IL1RAPL1: variants seen among roughly 807,000 people sequenced by gnomAD.
IL1RAPL1 encodes interleukin 1 receptor accessory protein like 1.
In IL1RAPL1, 3 loss-of-function variants were observed where a neutral mutation model predicts 48.4. That is an observed-to-expected ratio of 0.06 (90% CI 0.03 to 0.16). The LOEUF (loss-of-function observed/expected upper bound fraction) is 0.16. Among genes scored for constraint, IL1RAPL1 ranks in the 10% least tolerant of loss-of-function variants. The probability of loss-of-function intolerance (pLI) is 1.00; values close to 1 mark genes in which losing one functional copy is unlikely to be tolerated. For missense variants in IL1RAPL1, 349 were observed against 530.6 expected (o/e 0.66, Z 3.36); for synonymous variants, 185 against 187.7 (o/e 0.99, Z 0.12).
At chrX:29,463,665 G>A (rs954275208) in intron 5 of IL1RAPL1, among the ~76,000 whole-genome samples, 1 of 111,436 alleles carries the variant, frequency 9.0e-6, no homozygotes, top group Non-Finnish European at 1.9e-5. Flanking sequence ...TTGAAATCAC[G>A]ACCCCCACAC....
In IL1RAPL1 at chrX:29,778,528, T is replaced by C. The variant is rs150584127; in HGVS notation, c.778+110024T>C. Among the ~76,000 whole-genome samples the C allele has an allele frequency of 4.6e-3, 512 of 111,974 alleles. 3 individuals carry two copies. Among genetic ancestry groups the C allele is most frequent in the African/African-American group, 0.016 (485 of 30,882 alleles). On this transcript the variant is annotated intron_variant, in intron 6 of 10. Transcript: ENST00000378993. ...CCGCAGTCCCTGCCTGGCACATAAG[T>C]GATCAACAAATATTTTGTTAAATGA... is the stretch of plus-strand genomic sequence containing the variant.
intron 2 of IL1RAPL1, among the ~76,000 whole-genome samples, chrX:28,952,621 C>T (rs998754477): frequency 6.3e-5 from 7 of 110,875 alleles, no homozygotes. Context: ...GAAATACAAT[C>T]TGCTAGTATC....
At chrX:29,883,632 C>A (rs951832033) in intron 6 of IL1RAPL1, among the ~76,000 whole-genome samples, 9 of 111,872 alleles carry the variant, frequency 8.0e-5, no homozygotes, top group African/African-American at 2.9e-4. Context: ...ACGACAAGTT[C>A]CCTTAAGGTT....
chrX:29,413,181 G>A (rs1327252040), intron 5 of IL1RAPL1, among the ~76,000 whole-genome samples: 2 of 110,971 alleles, frequency 1.8e-5, no homozygotes, highest in Non-Finnish European at 3.8e-5. Context: ...GCCATGTAAG[G>A]CACCGCTTTG....
intron 5 of IL1RAPL1, among the ~76,000 whole-genome samples, chrX:29,453,131 G>A (rs778145904): frequency 4.6e-5 from 5 of 108,586 alleles, no homozygotes; most frequent in Non-Finnish European, 7.6e-5. Context: ...CACCATGTTG[G>A]CCAGAGCTGG....
intron 1 of IL1RAPL1, among the ~76,000 whole-genome samples, chrX:28,765,982 G>A (rs1263707072): frequency 1.8e-5 from 2 of 111,585 alleles, no homozygotes; most frequent in East Asian, 5.6e-4. Flanking sequence ...CTTTGCATGG[G>A]AAGATCTCAC....
chrX:28,612,811 A>G (rs1406952315), intron 1 of IL1RAPL1, among the ~76,000 whole-genome samples: 1 of 112,196 alleles, frequency 8.9e-6, no homozygotes, highest in Non-Finnish European at 1.9e-5. Flanking sequence ...CTGTGAAAAT[A>G]TATACTATAT....
intron 2 of IL1RAPL1, among the ~76,000 whole-genome samples, chrX:29,006,645 ATATGTGTGTGTGTGTG>A (rs1196730234): frequency 3.7e-5 from 3 of 80,073 alleles, no homozygotes; most frequent in Admixed American, 1.6e-4. Context: ...GTGTTTATAT[ATATGTGTGTGTGTGTG>A]TGTGTGTGTG....
At chrX:29,052,878 G>A (rs1452677505) in intron 2 of IL1RAPL1, among the ~76,000 whole-genome samples, 1 of 111,192 alleles carries the variant, frequency 9.0e-6, no homozygotes, top group Non-Finnish European at 1.9e-5. Flanking sequence ...TCTCCATGTT[G>A]TTTAATTTTT....
chrX:29,186,301 A>G (rs901492556), intron 2 of IL1RAPL1, among the ~76,000 whole-genome samples: 4 of 111,999 alleles, frequency 3.6e-5, no homozygotes, highest in Non-Finnish European at 7.5e-5. Context: ...TTTGTGACCA[A>G]CTTGGACAGT....
rs1033583868 is a variant in IL1RAPL1 at position 29,532,420 on chromosome X, C to A, written c.703+133112C>A. On this transcript the variant is annotated intron_variant, in intron 5 of 10. Transcript: ENST00000378993. The stretch of plus-strand genomic sequence containing the variant: ...GATTCTTACTCTCATTAGGTTGTTC[C>A]CTTGCCTCCTCAGAAGCCCACTTAC... Among the ~76,000 whole-genome samples the A allele has an allele frequency of 5.2e-4, 58 of 111,907 alleles. 1 individual carries two copies. The highest frequency in any genetic ancestry group is 1.9e-3 in the African/African-American group (57 of 30,795).
chrX:28,922,643 C>T (rs1923642652), intron 2 of IL1RAPL1, among the ~76,000 whole-genome samples: 1 of 111,797 alleles, frequency 8.9e-6, no homozygotes, highest in Non-Finnish European at 1.9e-5. Context: ...CATCTTGGCC[C>T]TTTGCACCCT....
chrX:28,853,423 C>T (rs1461497070), intron 2 of IL1RAPL1, among the ~76,000 whole-genome samples: 3 of 95,802 alleles, frequency 3.1e-5, no homozygotes, highest in African/African-American at 1.3e-4. Context: ...GCAAAGATTT[C>T]GGACCAAGTT....
At chrX:28,912,241 G>C (rs978671895) in intron 2 of IL1RAPL1, among the ~76,000 whole-genome samples, 1 of 109,708 alleles carries the variant, frequency 9.1e-6, no homozygotes, top group African/African-American at 3.3e-5. Flanking sequence ...GCAACAAATT[G>C]CCTCTTAATG....
At chrX:28,888,583 T>C (rs111779007) in intron 2 of IL1RAPL1, among the ~76,000 whole-genome samples, 2 of 110,936 alleles carry the variant, frequency 1.8e-5, no homozygotes, top group Non-Finnish European at 3.8e-5. Context: ...ATGGGAGAAA[T>C]AATACTGGAG....
intron 5 of IL1RAPL1, among the ~76,000 whole-genome samples, chrX:29,588,987 A>G (rs1437181285): frequency 9.0e-6 from 1 of 111,515 alleles, no homozygotes; most frequent in Non-Finnish European, 1.9e-5. Context: ...CAGCTCTGCT[A>G]CTCCTATGGT....
intron 2 of IL1RAPL1, among the ~76,000 whole-genome samples, chrX:29,095,215 C>T (rs1320731505): frequency 9.0e-6 from 1 of 111,286 alleles, no homozygotes; most frequent in Non-Finnish European, 1.9e-5. Flanking sequence ...ATTTCTCTTG[C>T]TCTAAATTTT....
intron 6 of IL1RAPL1, among the ~76,000 whole-genome samples, chrX:29,861,627 T>C (rs937204409): frequency 9.1e-6 from 1 of 110,370 alleles, no homozygotes; most frequent in African/African-American, 3.3e-5. Flanking sequence ...TGCATCAAAA[T>C]CTCACAACTC....
chrX:28,801,453 A>G (rs1192082969), intron 2 of IL1RAPL1, among the ~76,000 whole-genome samples: 1 of 111,537 alleles, frequency 9.0e-6, no homozygotes, highest in Non-Finnish European at 1.9e-5. Context: ...TTTTCATTTC[A>G]TAAATACAGA....
Sources: gnomAD v4.1 joint callset for allele counts (sites outside exome capture counted in the v4.1 genomes callset) on GRCh38, gnomAD v4.1.1 for gene constraint, MANE v1.5 for transcripts, NCBI Gene and HGNC (gene_info 2026-07-23, HGNC 2026-07-21) for gene names.